PKD1L3: variants seen among roughly 807,000 people sequenced by gnomAD.
The protein encoded by PKD1L3 is polycystin 1 like 3, transient receptor potential channel interacting, also known as polycystin-1-like protein 3.
A neutral mutation model predicts 184.1 loss-of-function variants in PKD1L3; 239 were observed. The ratio of observed to expected loss-of-function variants is 1.30; its 90% CI spans 1.17 to 1.45. The LOEUF is 1.45. PKD1L3 is among the 40% of genes most tolerant of loss of function. The pLI, the probability that PKD1L3 is intolerant of heterozygous loss-of-function variation, is 0.00. For synonymous variants in PKD1L3, 996 were observed against 778.8 expected, an observed-to-expected ratio of 1.28 and a Z score of -4.64; for missense variants, 2,660 against 2,067.2, an observed-to-expected ratio of 1.29 and a Z score of -5.56.
At chr16:71,978,673 G>T (rs938545078) in intron 9 of PKD1L3, among the ~76,000 whole-genome samples, 1 of 151,536 alleles carries the variant, frequency 6.6e-6, no homozygotes, top group Non-Finnish European at 1.5e-5. Context: ...CCAAGTAGCT[G>T]GGACTACAGG....
At chr16:71,982,277 G>GA in intron 6 of PKD1L3, 42 bp from the exon 7 acceptor site, 8 of 690,262 alleles carry the variant, frequency 1.2e-5, no homozygotes, top group Non-Finnish European at 1.5e-5. Context: ...TGAATTGTTT[G>GA]CTTTTTTTTT....
Position 71,984,174 on chromosome 16 carries a change from G to T in PKD1L3, c.835-7C>A. On this transcript the variant is annotated splice_region_variant and splice_polypyrimidine_tract_variant and intron_variant, in intron 5 of 29. Transcript: ENST00000620267. ...CTGCTATCTCATCTATGACCTATTG[G>T]GAACAAAGAAGTTGTCAAAATTACT... 1 of 1,550,550 alleles carries T rather than the reference G, an allele frequency of 6.4e-7. No homozygotes were observed. Among genetic ancestry groups the T allele is most frequent in the South Asian group, 1.2e-5 (1 of 84,006 alleles).
At chr16:71,998,518 T>C in intron 1 of PKD1L3, 124 bp from the exon 2 acceptor site, 1 of 1,283,846 alleles carries the variant, frequency 7.8e-7, no homozygotes, top group Non-Finnish European at 1.0e-6. Context: ...TGGTGTGATC[T>C]TCACTCACTG....
chr16:71,963,465 G>A, intron 15 of PKD1L3, 114 bp from the exon 16 acceptor site: 1 of 1,137,838 alleles, frequency 8.8e-7, no homozygotes, highest in East Asian at 2.8e-5. Context: ...CTGTTTCATT[G>A]CAAGGCAAGA....
intron 28 of PKD1L3, chr16:71,930,744 C>T (rs552911700): frequency 6.6e-6 from 1 of 152,024 alleles, no homozygotes; most frequent in Non-Finnish European, 1.5e-5. Flanking sequence ...AAGTTCTGGG[C>T]TTATTGGAAT....
Position 71,969,865 on chromosome 16 carries a change from G to A in PKD1L3, c.2184+10C>T, listed in dbSNP as rs1364877811. The A allele has an allele frequency of 6.5e-7, 1 of 1,532,310 alleles. No individual in the cohort carries two copies. Among genetic ancestry groups the A allele is most frequent in the Admixed American group, 2.0e-5 (1 of 49,112 alleles). 94.9% of individuals were successfully genotyped at this position (1,532,310 alleles called of 1,614,324 possible). On this transcript the variant is annotated intron_variant, in intron 13 of 29. Coordinates refer to ENST00000620267, the MANE Select transcript of PKD1L3 (RefSeq NM_181536.2). Reference sequence around the variant, plus strand: ...TCATGGCAAATCTGTTGAAATCAAAGTCTCATTACCTTCTGCATATCTGCT... The same window carrying A: ...TCATGGCAAATCTGTTGAAATCAAAATCTCATTACCTTCTGCATATCTGCT...
At chr16:71,983,984 T>C in intron 6 of PKD1L3, 52 bp downstream of exon 6, 1 of 1,541,780 alleles carries the variant, frequency 6.5e-7, no homozygotes, top group Non-Finnish European at 8.8e-7. Context: ...TTTTCTGTTT[T>C]CCGCTTTTCC....
Position 71,973,471 on chromosome 16 carries a change from C to T in PKD1L3, c.1806G>A (p.Gly602=). 6.4e-7 allele frequency: 1 copy of T among 1,551,866 alleles called. No individual in the cohort carries two copies. The highest frequency in any genetic ancestry group is 8.7e-7 in the Non-Finnish European group (1 of 1,147,048). Residue 602 remains glycine (G), a synonymous_variant, in exon 12 of 30, where the codon GGG becomes GGA. Transcript: ENST00000620267. ...WVLNPEHLQH[G]IGTYYITAVL... ...CAGCTGTTATATAGTAGGTGCCAAT[C>T]CCGTGCTGCAGATGCTCTGGATTCA... is the stretch of plus-strand genomic sequence containing the variant.
At chr16:71,953,658 A>G (rs1229109377) in intron 17 of PKD1L3, among the ~76,000 whole-genome samples, 1 of 151,986 alleles carries the variant, frequency 6.6e-6, no homozygotes, top group Non-Finnish European at 1.5e-5. Flanking sequence ...CAGTGGTGCA[A>G]TCTCGGCTCA....
intron 4 of PKD1L3, among the ~76,000 whole-genome samples, chr16:71,989,835 G>C (rs754517061): frequency 1.3e-5 from 2 of 152,146 alleles, no homozygotes; most frequent in Non-Finnish European, 2.9e-5. Context: ...AGCAGTTTGG[G>C]AGGCTGAGGC....
At chr16:71,985,345 G>C (rs2040315301) in intron 5 of PKD1L3, among the ~76,000 whole-genome samples, 1 of 152,134 alleles carries the variant, frequency 6.6e-6, no homozygotes, top group Non-Finnish European at 1.5e-5. Flanking sequence ...CATATAAACA[G>C]GGCTCGTTTG....
At chr16:71,950,621 A>G (rs936022937) in intron 19 of PKD1L3, among the ~76,000 whole-genome samples, 1 of 152,206 alleles carries the variant, frequency 6.6e-6, no homozygotes, top group African/African-American at 2.4e-5. Flanking sequence ...GAGAATCCAT[A>G]AATTCCATAA....
chr16:71,990,847 C>T (rs920771517), intron 3 of PKD1L3, among the ~76,000 whole-genome samples: 1 of 152,024 alleles, frequency 6.6e-6, no homozygotes, highest in African/African-American at 2.4e-5. Context: ...AAGCACAGCC[C>T]TGAAAATTAT....
intron 28 of PKD1L3, among the ~76,000 whole-genome samples, chr16:71,931,771 C>T (rs192318465): frequency 7.9e-5 from 12 of 152,170 alleles, no homozygotes; most frequent in African/African-American, 2.2e-4. Context: ...GGCTCAAAGT[C>T]CCTTTTTAAA....
chr16:71,936,153 T>G (rs2143152030), intron 25 of PKD1L3, among the ~76,000 whole-genome samples: 1 of 152,098 alleles, frequency 6.6e-6, no homozygotes, highest in East Asian at 1.9e-4. Flanking sequence ...TATGTTTGGC[T>G]TAAGATATAA....
At chr16:71,979,120 A>G (rs140215707) in intron 9 of PKD1L3, among the ~76,000 whole-genome samples, 2 of 152,192 alleles carry the variant, frequency 1.3e-5, no homozygotes, top group African/African-American at 4.8e-5. Context: ...TACTGAGTCA[A>G]TAATTATTTA....
In PKD1L3 at chr16:71,979,841, G is replaced by A. The variant is rs749798847; in HGVS notation, c.1343C>T (p.Pro448Leu). Residue 448 changes from proline (P) to leucine (L), a missense_variant, in exon 9 of 30, where the codon CCG becomes CTG. Pro to Leu is a moderately conservative substitution (Grantham distance 98, BLOSUM62 -3). Coordinates refer to ENST00000620267, the MANE Select transcript of PKD1L3 (RefSeq NM_181536.2). ...GHPAPVRLGFPSALALKELLN... is the reference protein window; with the variant it reads ...GHPAPVRLGFLSALALKELLN... ...GAGCTCCTTCAAAGCTAAAGCCGAC[G>A]GAAAGCCTAGCCTCACAGGGGCTGG... 20 of 1,518,792 alleles carry A rather than the reference G, an allele frequency of 1.3e-5. No homozygotes were observed. The highest frequency in any genetic ancestry group is 1.0e-4 in the South Asian group (8 of 77,822). The allele number at this position is 1,518,792 out of a possible 1,614,324, so 94.1% of individuals were successfully genotyped here.
At chr16:71,977,060 G>T (rs1390676673) in intron 11 of PKD1L3, among the ~76,000 whole-genome samples, 176 bp downstream of exon 11, 1 of 152,184 alleles carries the variant, frequency 6.6e-6, no homozygotes, top group Non-Finnish European at 1.5e-5. Flanking sequence ...TTTTTTTTAA[G>T]AAATTAGCCA....
chr16:71,944,088 C>A lies in PKD1L3; in HGVS notation c.3801G>T (p.Lys1267Asn). 6.4e-7 allele frequency: 1 copy of A among 1,551,928 alleles called. No individual in the cohort carries two copies. Among genetic ancestry groups the A allele is most frequent in the Non-Finnish European group, 8.7e-7 (1 of 1,146,932 alleles). ...YVAPAINSPT[K>N]HPERTLKKKK... ...TCTTTTTCAAGGTTCTTTCTGGGTG[C>A]TTAGTTGGACTATTTATAGCTGGGG... Residue 1267 changes from lysine to asparagine, a missense_variant, in exon 23 of 30, where the codon AAG becomes AAT. Lys to Asn is a moderately conservative substitution (Grantham distance 94). Coordinates refer to ENST00000620267, the MANE Select transcript of PKD1L3 (RefSeq NM_181536.2).
Sources: gnomAD v4.1 joint callset for allele counts (sites outside exome capture counted in the v4.1 genomes callset) on GRCh38, gnomAD v4.1.1 for gene constraint, MANE v1.5 for transcripts, NCBI Gene and HGNC (gene_info 2026-07-23, HGNC 2026-07-21) for gene names.